ERBIN: variants seen among roughly 807,000 people sequenced by gnomAD.
The protein encoded by ERBIN is densin-180-like protein.
In ERBIN, 60 loss-of-function variants were observed where a neutral mutation model predicts 158.4. The observed-to-expected ratio is 0.38, with a 90% confidence interval of 0.31 to 0.47. ERBIN has a LOEUF of 0.47. ERBIN is among the 20% of genes least tolerant of loss of function. ERBIN has a pLI of 0.99. For synonymous variants in ERBIN, 594 were observed against 557.2 expected, an observed-to-expected ratio of 1.07 and a Z score of -0.93; for missense variants, 1,610 against 1,648.0, an observed-to-expected ratio of 0.98 and a Z score of 0.40.
intron 21 of ERBIN, among the ~76,000 whole-genome samples, chr5:66,058,609 C>T (rs1759895480): frequency 6.7e-6 from 1 of 150,180 alleles, no homozygotes; most frequent in Non-Finnish European, 1.5e-5. Context: ...AAGTCCTTGC[C>T]CATGCCTATG....
Position 65,966,049 on chromosome 5 carries a change from C to G in ERBIN, c.-57-22586C>G, listed in dbSNP as rs148690144. Among the ~76,000 whole-genome samples, 100 of 152,252 alleles carry G rather than the reference C, an allele frequency of 6.6e-4. 1 individual carries two copies. The highest frequency in any genetic ancestry group is 2.7e-3 in the East Asian group (14 of 5,182). The stretch of plus-strand genomic sequence containing the variant: ...TCTCATGTGAAATGTTAGAGTTGAA[C>G]ATTTTCTGTAAAATTGTTTAATATA... On this transcript the variant is annotated intron_variant, in intron 1 of 25. Transcript: ENST00000284037.
At chr5:66,016,996 A>C (rs1246971841) in intron 7 of ERBIN, among the ~76,000 whole-genome samples, 1 of 151,996 alleles carries the variant, frequency 6.6e-6, no homozygotes, top group Non-Finnish European at 1.5e-5. Flanking sequence ...CACTTAATGT[A>C]ATGACCTCCT....
At chr5:66,039,218 G>A (rs978745070) in intron 15 of ERBIN, among the ~76,000 whole-genome samples, 2 of 151,766 alleles carry the variant, frequency 1.3e-5, no homozygotes, top group East Asian at 1.9e-4. Flanking sequence ...ATTATACCAC[G>A]GGCAAGTTAA....
intron 1 of ERBIN, among the ~76,000 whole-genome samples, chr5:65,934,829 A>C (rs1254476847): frequency 6.6e-6 from 1 of 152,216 alleles, no homozygotes; most frequent in Non-Finnish European, 1.5e-5. Context: ...TCGCAAGGAC[A>C]TAATGCATTA....
intron 22 of ERBIN, 53 bp downstream of exon 22, chr5:66,072,344 A>G: frequency 6.5e-7 from 1 of 1,538,998 alleles, no homozygotes; most frequent in Non-Finnish European, 8.8e-7. Context: ...TATATTTTGC[A>G]GCTTTTGGAC....
At chr5:65,964,896 C>CTTGGT (rs1748362251) in intron 1 of ERBIN, among the ~76,000 whole-genome samples, 1 of 141,688 alleles carries the variant, frequency 7.1e-6, no homozygotes, top group South Asian at 2.2e-4. Flanking sequence ...TGGGCCACCA[C>CTTGGT]GCCTGGCTGA....
chr5:66,007,903 C>T (rs962222295), intron 4 of ERBIN, among the ~76,000 whole-genome samples: 1 of 152,136 alleles, frequency 6.6e-6, no homozygotes, highest in African/African-American at 2.4e-5. Flanking sequence ...AGATTTAGAA[C>T]CTACAAATGT....
intron 25 of ERBIN, among the ~76,000 whole-genome samples, 188 bp downstream of exon 25, chr5:66,077,137 C>T (rs1450521542): frequency 1.5e-5 from 2 of 132,716 alleles, no homozygotes; most frequent in African/African-American, 3.0e-5. Context: ...GGCGACAGAG[C>T]GAGACTCTGT....
intron 21 of ERBIN, among the ~76,000 whole-genome samples, chr5:66,060,436 C>T (rs1323479121): frequency 6.6e-6 from 1 of 152,036 alleles, no homozygotes; most frequent in African/African-American, 2.4e-5. Context: ...CTCTTTTCTT[C>T]TTTATTAGTC....
At chr5:66,036,173 TGACA>T (rs1326695143) in intron 14 of ERBIN, among the ~76,000 whole-genome samples, 2 of 152,232 alleles carry the variant, frequency 1.3e-5, no homozygotes, top group Non-Finnish European at 2.9e-5. Flanking sequence ...CGAACAGTGC[TGACA>T]GACTGTTGAG....
chr5:66,082,069 G>C lies in ERBIN; in HGVS notation c.*3539G>C, dbSNP rs879308667. ...GGATAGTAAGTAGTCATTTAGTTTTGGAAAGTTCTTAAGAGAATGCTATCT... is the reference window on the plus strand; with the variant it reads ...GGATAGTAAGTAGTCATTTAGTTTTCGAAAGTTCTTAAGAGAATGCTATCT... On this transcript the variant is annotated 3_prime_UTR_variant, in exon 26 of 26. Transcript: ENST00000284037. 2 of 152,034 alleles carry C rather than the reference G, an allele frequency of 1.3e-5. No homozygotes were observed. Among genetic ancestry groups the C allele is most frequent in the African/African-American group, 2.4e-5 (1 of 41,402 alleles). The allele number at this position is 152,034 out of a possible 1,614,324, so 9.4% of individuals were successfully genotyped here.
In ERBIN at chr5:66,078,927, T is replaced by C. The variant is rs1762248904; in HGVS notation, c.*397T>C. On this transcript the variant is annotated 3_prime_UTR_variant, in exon 26 of 26. Coordinates refer to ENST00000284037, the MANE Select transcript of ERBIN (RefSeq NM_001253697.2). Reference sequence around the variant, plus strand: ...ATCTCTCTCATAGCTTTTATGCCCTTATTTTTATTCAACTGGTATTAATGT... The same window carrying C: ...ATCTCTCTCATAGCTTTTATGCCCTCATTTTTATTCAACTGGTATTAATGT... The C allele has an allele frequency of 5.9e-6, 1 of 169,332 alleles. No individual in the cohort carries two copies. Among genetic ancestry groups the C allele is most frequent in the African/African-American group, 2.4e-5 (1 of 41,606 alleles). 10.5% of individuals were successfully genotyped at this position (169,332 alleles called of 1,614,324 possible). A position where few individuals can be genotyped will look rare whatever the true frequency, so the allele number is the denominator to read the frequency against.
Position 66,025,467 on chromosome 5 carries a change from C to G in ERBIN, c.818-13C>G. The G allele has an allele frequency of 6.3e-7, 1 of 1,598,514 alleles. No individual in the cohort carries two copies. The highest frequency in any genetic ancestry group is 8.6e-7 in the Non-Finnish European group (1 of 1,166,532). ...TAAGCTGAAAAATTGTATGTTGTTT[C>G]TTCCCTCATTAGGTTCGTTGAAGAA... On this transcript the variant is annotated splice_polypyrimidine_tract_variant and intron_variant, in intron 10 of 25. Coordinates refer to ENST00000284037, the MANE Select transcript of ERBIN (RefSeq NM_001253697.2).
intron 1 of ERBIN, among the ~76,000 whole-genome samples, chr5:65,950,205 C>T (rs368943029): frequency 2.5e-4 from 38 of 151,898 alleles, no homozygotes; most frequent in African/African-American, 8.9e-4. Context: ...CGGGATTTCA[C>T]CGTGTTAGCC....
intron 1 of ERBIN, among the ~76,000 whole-genome samples, chr5:65,968,325 C>T (rs962203990): frequency 1.3e-5 from 2 of 152,094 alleles, no homozygotes; most frequent in African/African-American, 2.4e-5. Flanking sequence ...GTCACTGTTT[C>T]TTCAACTGAA....
intron 4 of ERBIN, among the ~76,000 whole-genome samples, chr5:66,008,575 T>C (rs1353057932): frequency 6.6e-6 from 1 of 152,204 alleles, no homozygotes; most frequent in Non-Finnish European, 1.5e-5. Flanking sequence ...CTCCATATGG[T>C]ATTTTAGATC....
intron 1 of ERBIN, among the ~76,000 whole-genome samples, chr5:65,953,325 C>T (rs1746734773): frequency 6.6e-6 from 1 of 152,090 alleles, no homozygotes; most frequent in Non-Finnish European, 1.5e-5. Flanking sequence ...GCTGTTTGGG[C>T]AGATATTTTA....
At chr5:66,077,003 C>CA (rs1177652570) in intron 25 of ERBIN, 54 bp downstream of exon 25, 68 of 1,294,472 alleles carry the variant, frequency 5.3e-5, no homozygotes, top group Non-Finnish European at 2.2e-6. Flanking sequence ...AATGTTTTCA[C>CA]AGTTTAAAAT....
rs1762280929 is a variant in ERBIN, at chr5:66,079,471, A to G, written c.*941A>G. 1 of 152,548 alleles carries G rather than the reference A, an allele frequency of 6.6e-6. No individual in the cohort carries two copies. The highest frequency in any genetic ancestry group is 1.5e-5 in the Non-Finnish European group (1 of 68,016). The allele number at this position is 152,548 out of a possible 1,614,324, so 9.4% of individuals were successfully genotyped here. A position where few individuals can be genotyped will look rare whatever the true frequency, so the allele number is the denominator to read the frequency against. ...AATTTTTATTTTAAGCAGCAAATGA[A>G]ACAAAAATGGCCAGTTTTAAGATTG... On this transcript the variant is annotated 3_prime_UTR_variant, in exon 26 of 26. Coordinates refer to ENST00000284037, the MANE Select transcript of ERBIN (RefSeq NM_001253697.2).
Sources: allele counts gnomAD v4.1 joint callset (sites outside exome capture counted in the v4.1 genomes callset), GRCh38; gene constraint gnomAD v4.1.1; transcripts MANE v1.5; gene names NCBI Gene and HGNC (gene_info 2026-07-23, HGNC 2026-07-21).